The following WDCP variants were observed in gnomAD, a reference collection of about 807,000 sequenced individuals.
WDCP encodes WD repeat and coiled coil containing.
In WDCP, 19 loss-of-function variants were observed where a neutral mutation model predicts 41.6. The observed-to-expected ratio is 0.46, with a 90% CI of 0.32 to 0.67. The LOEUF is 0.67. Among genes scored for constraint, WDCP ranks in the 30% least tolerant of loss-of-function variants. The pLI is 0.04. For missense variants in WDCP, 802 were observed against 850.7 expected, an observed-to-expected ratio of 0.94 and a Z score of 0.71; for synonymous variants, 302 against 320.8, an observed-to-expected ratio of 0.94 and a Z score of 0.63.
intron 2 of WDCP, among the ~76,000 whole-genome samples, chr2:24,035,983 T>C (rs1663239882): frequency 6.7e-6 from 1 of 148,906 alleles, no homozygotes; most frequent in South Asian, 2.1e-4. Context: ...GCAGGAGAAT[T>C]GCTAGAACCT....
Position 24,039,477 on chromosome 2 carries a change from T to G in WDCP, c.18A>C (p.Gly6=). MELGK[G]KLLRTGLNAL... ...CATTCAGTCCAGTCCTGAGTAGTTT[T>G]CCTTTTCCCAACTCCATCCTTTTGA... Residue 6 remains glycine (G), a synonymous_variant, in exon 2 of 4, where the codon GGA becomes GGC. Coordinates refer to ENST00000295148, the MANE Select transcript of WDCP (RefSeq NM_025203.3). 6.2e-7 allele frequency: 1 copy of G among 1,611,892 alleles called. No individual in the cohort carries two copies. Among genetic ancestry groups the G allele is most frequent in the Non-Finnish European group, 8.5e-7 (1 of 1,178,026 alleles).
rs1488799033 is a variant in WDCP at position 24,031,135 on chromosome 2, T to C, written c.1964A>G (p.Asp655Gly). Residue 655 changes from aspartate to glycine, a missense_variant, in exon 4 of 4, where the codon GAC (aspartate) becomes GGC (glycine). Physicochemically the swap from Asp to Gly is moderately conservative, Grantham distance 94 (BLOSUM62 -1). Transcript: ENST00000295148. ...HDSHWILLSA[D>G]SEGFIPLTFT... ...GGTTAACGGGATAAAGCCCTCACTGTCAGCAGAGAGAAGAATCCAGTGGGA... is the reference window on the plus strand; with the variant it reads ...GGTTAACGGGATAAAGCCCTCACTGCCAGCAGAGAGAAGAATCCAGTGGGA... 1 of 1,614,010 alleles carries C rather than the reference T, an allele frequency of 6.2e-7. No individual in the cohort carries two copies. The highest frequency in any genetic ancestry group is 1.7e-5 in the Admixed American group (1 of 60,014).
intron 2 of WDCP, among the ~76,000 whole-genome samples, chr2:24,035,100 G>A (rs1663203726): frequency 6.6e-6 from 1 of 151,372 alleles, no homozygotes. Context: ...AGCTATATCT[G>A]TGATTTTCTC....
At chr2:24,036,748 T>C (rs925632652) in intron 2 of WDCP, among the ~76,000 whole-genome samples, 2 of 152,206 alleles carry the variant, frequency 1.3e-5, no homozygotes, top group Admixed American at 6.5e-5. Flanking sequence ...GAGTGCACCA[T>C]ATCACCCTAT....
chr2:24,032,794 A>G (rs777669570), intron 3 of WDCP, 35 bp downstream of exon 3: 1 of 1,205,662 alleles, frequency 8.3e-7, no homozygotes, highest in Non-Finnish European at 1.2e-6. Context: ...GGAGGCAAGG[A>G]TGTTAGCTAG....
At position 24,043,776 on chromosome 2, in the gene WDCP, A is replaced by G. The variant is rs1319924217; in HGVS notation, c.-19+3538T>C. Among the ~76,000 whole-genome samples, 3 of 152,320 alleles carry G rather than the reference A, an allele frequency of 2.0e-5. No individual in the cohort carries two copies. In the East Asian group the frequency reaches 5.8e-4, roughly 29 times the overall value. ...AGGCAGAACTTGAGAAGTTGTCTTC[A>G]GACTCTAAATCCAATGAAATGTATT... On this transcript the variant is annotated intron_variant, in intron 1 of 3. Coordinates refer to ENST00000295148, the MANE Select transcript of WDCP (RefSeq NM_025203.3).
intron 2 of WDCP, 69 bp from the exon 3 acceptor site, chr2:24,033,015 G>A: frequency 2.0e-6 from 2 of 1,011,512 alleles, no homozygotes; most frequent in Non-Finnish European, 3.1e-6. Context: ...CTTAAGAAAG[G>A]AATGTGTAAA....
Position 24,030,627 on chromosome 2 carries a change from G to C in WDCP, c.*306C>G, listed in dbSNP as rs1663073822. The C allele has an allele frequency of 3.7e-6, 1 of 273,318 alleles. No individual in the cohort carries two copies. Among genetic ancestry groups the C allele is most frequent in the South Asian group, 8.2e-5 (1 of 12,262 alleles). The allele number at this position is 273,318 out of a possible 1,614,324, so 16.9% of individuals were successfully genotyped here. On this transcript the variant is annotated 3_prime_UTR_variant, in exon 4 of 4. Coordinates refer to ENST00000295148, the MANE Select transcript of WDCP (RefSeq NM_025203.3). Reference sequence around the variant, plus strand: ...TGGACAAGGGACACAAAGCCTCAGAGAAACCATAAAACACCATCCATATGG... The same window carrying C: ...TGGACAAGGGACACAAAGCCTCAGACAAACCATAAAACACCATCCATATGG...
In WDCP at chr2:24,030,401, C is replaced by T. The variant is rs778929166; in HGVS notation, c.*532G>A. 6.6e-6 allele frequency: 1 copy of T among 152,242 alleles called. No homozygotes were observed. Among genetic ancestry groups the T allele is most frequent in the Non-Finnish European group, 1.5e-5 (1 of 68,102 alleles). The allele number at this position is 152,242 out of a possible 1,614,324, so 9.4% of individuals were successfully genotyped here. A position where few individuals can be genotyped will look rare whatever the true frequency, so the allele number is the denominator to read the frequency against. Reference sequence around the variant, plus strand: ...CTGGGAGGTCCAGGCAACATCAGAGCCACTTCCTGTTCCTGAGAGCAGAAG... The same window carrying T: ...CTGGGAGGTCCAGGCAACATCAGAGTCACTTCCTGTTCCTGAGAGCAGAAG... On this transcript the variant is annotated 3_prime_UTR_variant, in exon 4 of 4. Transcript: ENST00000295148.
chr2:24,045,522 A>T (rs779928025), intron 1 of WDCP, among the ~76,000 whole-genome samples: 43 of 147,868 alleles, frequency 2.9e-4, no homozygotes, highest in Admixed American at 2.1e-4. Flanking sequence ...AATCGCTTGA[A>T]CCCGGCTGGC....
chr2:24,046,819 C>G (rs761581792), intron 1 of WDCP, among the ~76,000 whole-genome samples: 6 of 152,156 alleles, frequency 3.9e-5, no homozygotes, highest in Non-Finnish European at 5.9e-5. Context: ...GTTTGGCTGT[C>G]AAACTTTTTC....
In WDCP at chr2:24,031,124, A is replaced by C. The variant is rs1353251541; in HGVS notation, c.1975T>G (p.Phe659Val). Residue 659 changes from phenylalanine to valine, a missense_variant, in exon 4 of 4, where the codon TTT (phenylalanine) becomes GTT (valine). Phe to Val is a conservative substitution (Grantham distance 50). Around this residue, in one of 5 missense-constraint regions of WDCP, gnomAD observed 321 missense variants for 305.1 expected, o/e 1.05. Transcript: ENST00000295148. ...WILLSADSEG[F>V]IPLTFTATQE... ...GTGGCTGTGAAGGTTAACGGGATAAAGCCCTCACTGTCAGCAGAGAGAAGA... is the reference window on the plus strand; with the variant it reads ...GTGGCTGTGAAGGTTAACGGGATAACGCCCTCACTGTCAGCAGAGAGAAGA... 2.5e-6 allele frequency: 4 copies of C among 1,614,210 alleles called. No individual in the cohort carries two copies. The highest frequency in any genetic ancestry group is 3.4e-6 in the Non-Finnish European group (4 of 1,180,014).
chr2:24,032,136 C>T (rs1349051815), intron 3 of WDCP, among the ~76,000 whole-genome samples: 3 of 152,154 alleles, frequency 2.0e-5, no homozygotes, highest in Admixed American at 6.6e-5. Context: ...CTTTGGGAGG[C>T]CAAGGTGGAC....
At chr2:24,046,816 T>C (rs918543702) in intron 1 of WDCP, among the ~76,000 whole-genome samples, 1 of 152,232 alleles carries the variant, frequency 6.6e-6, no homozygotes, top group African/African-American at 2.4e-5. Flanking sequence ...ATAGTTTGGC[T>C]GTCAAACTTT....
Position 24,039,372 on chromosome 2 carries a change from A to C in WDCP, c.123T>G (p.Leu41=). Residue 41 remains leucine, a synonymous_variant, in exon 2 of 4, where the codon CTT becomes CTG. Transcript: ENST00000295148. ...CCCCAAACTTGACCTCTCCACTGTG[A>C]AGCCGCAAATCAGTTAGGACAACTT... ...GNQVVLTDLR[L]HSGEVKFGDS... The C allele has an allele frequency of 6.2e-7, 1 of 1,614,260 alleles. No individual in the cohort carries two copies. The highest frequency in any genetic ancestry group is 8.5e-7 in the Non-Finnish European group (1 of 1,180,044).
In WDCP at chr2:24,030,683, T is replaced by C; in HGVS notation, c.*250A>G. 4.6e-6 allele frequency: 2 copies of C among 437,086 alleles called. No individual in the cohort carries two copies. The highest frequency in any genetic ancestry group is 8.2e-6 in the Non-Finnish European group (2 of 244,510). 27.1% of individuals were successfully genotyped at this position (437,086 alleles called of 1,614,324 possible). ...TAATATTGTTTTGTTCTGAGAATTC[T>C]GCCCTTAGTCAAAACCACACAGTCA... is the stretch of plus-strand genomic sequence containing the variant. On this transcript the variant is annotated 3_prime_UTR_variant, in exon 4 of 4. Coordinates refer to ENST00000295148, the MANE Select transcript of WDCP (RefSeq NM_025203.3).
At chr2:24,042,484 C>G (rs979502825) in intron 1 of WDCP, among the ~76,000 whole-genome samples, 19 of 142,844 alleles carry the variant, frequency 1.3e-4, no homozygotes, top group Non-Finnish European at 2.7e-4. Flanking sequence ...TGCAGTGAAT[C>G]GAGATCGCAC....
At chr2:24,039,639 G>T in intron 1 of WDCP, 127 bp from the exon 2 acceptor site, 1 of 746,020 alleles carries the variant, frequency 1.3e-6, no homozygotes, top group Non-Finnish European at 2.1e-6. Context: ...AAGGACAGGG[G>T]GAGTATTATA....
intron 1 of WDCP, among the ~76,000 whole-genome samples, chr2:24,045,003 A>G (rs1663567633): frequency 6.6e-6 from 1 of 152,196 alleles, no homozygotes; most frequent in African/African-American, 2.4e-5. Flanking sequence ...CATAAAGGGC[A>G]TGCTGAGGAA....
Sources: allele counts gnomAD v4.1 joint callset (sites outside exome capture counted in the v4.1 genomes callset), GRCh38; gene constraint gnomAD v4.1.1; regional missense constraint gnomAD v4.1.1; transcripts MANE v1.5; gene names NCBI Gene and HGNC (gene_info 2026-07-23, HGNC 2026-07-21).